DFFA: variants seen among roughly 807,000 people sequenced by gnomAD.
DFFA encodes DNA fragmentation factor subunit alpha.
Under a neutral mutation model 28.0 loss-of-function variants are expected in DFFA, and 14 were observed. That is an observed-to-expected ratio of 0.50 (90% CI 0.33 to 0.78). The LOEUF is 0.78. Among genes scored for constraint, DFFA ranks in the 30% least tolerant of loss-of-function variants. DFFA has a pLI of 0.02. For synonymous variants in DFFA, 158 were observed against 170.3 expected, an observed-to-expected ratio of 0.93 and a Z score of 0.56; for missense variants, 395 against 407.1, an observed-to-expected ratio of 0.97 and a Z score of 0.26.
chr1:10,463,671 C>CTTT, intron 3 of DFFA, 51 bp from the exon 4 acceptor site: 4 of 1,270,660 alleles, frequency 3.1e-6, no homozygotes, highest in Non-Finnish European at 3.2e-6. Context: ...TTCTGACTTT[C>CTTT]TTTTTTTTTT....
chr1:10,464,178 C>T (rs1640990273), intron 3 of DFFA, among the ~76,000 whole-genome samples: 1 of 151,850 alleles, frequency 6.6e-6, no homozygotes, highest in African/African-American at 2.4e-5. Flanking sequence ...CTGCAAGCTC[C>T]GCCTCCTGGG....
intron 1 of DFFA, among the ~76,000 whole-genome samples, 177 bp from the exon 2 acceptor site, chr1:10,469,515 C>G (rs1044743278): frequency 2.4e-4 from 36 of 152,100 alleles, no homozygotes; most frequent in African/African-American, 8.4e-4. Context: ...TGATTCTGTT[C>G]TAAGTGTTCT....
intron 3 of DFFA, among the ~76,000 whole-genome samples, chr1:10,465,234 A>G (rs1641004876): frequency 6.6e-6 from 1 of 152,120 alleles, no homozygotes; most frequent in Non-Finnish European, 1.5e-5. Flanking sequence ...AGCTGGGACT[A>G]CAGGCACACG....
intron 1 of DFFA, 109 bp from the exon 2 acceptor site, chr1:10,469,447 G>A (rs1476925556): frequency 6.8e-6 from 6 of 876,044 alleles, no homozygotes; most frequent in South Asian, 3.5e-5. Context: ...CTCCTGGTAG[G>A]TAATAACTAG....
At position 10,457,438 on chromosome 1, in the gene DFFA, C is replaced by T. The variant is rs190265212; in HGVS notation, c.*4052G>A. On this transcript the variant is annotated 3_prime_UTR_variant, in exon 6 of 6. Transcript: ENST00000377038. ...CTATACTCCCAGCACTTTGGGAGGC[C>T]AAGGCAGGTGGATCACTTGAGGTCA... 5.5e-3 allele frequency: 834 copies of T among 152,286 alleles called. 7 individuals are homozygous for T. The highest frequency in any genetic ancestry group is 0.019 in the African/African-American group (792 of 41,524). The allele number at this position is 152,286 out of a possible 1,614,324, so 9.4% of individuals were successfully genotyped here.
At position 10,456,670 on chromosome 1, in the gene DFFA, T is replaced by C. The variant is rs1640866388; in HGVS notation, c.*4820A>G. 6.6e-6 allele frequency: 1 copy of C among 152,184 alleles called. No homozygotes were observed. The highest frequency in any genetic ancestry group is 6.5e-5 in the Admixed American group (1 of 15,268). 9.4% of individuals were successfully genotyped at this position (152,184 alleles called of 1,614,324 possible). On this transcript the variant is annotated 3_prime_UTR_variant, in exon 6 of 6. Transcript: ENST00000377038. ...ATGAAAAATCCATTAGTTTTTCTCT[T>C]TTGCTTTTACCCAGAAATTAAAGGT...
intron 1 of DFFA, among the ~76,000 whole-genome samples, chr1:10,469,940 C>T (rs558916417): frequency 4.0e-5 from 6 of 151,722 alleles, no homozygotes; most frequent in African/African-American, 1.5e-4. Context: ...CTTAGTCTCC[C>T]GAGTAGCTGG....
At chr1:10,462,761 A>C (rs1640965616) in intron 5 of DFFA, 1 of 1,243,516 alleles carries the variant, frequency 8.0e-7, no homozygotes, top group East Asian at 3.8e-5. Flanking sequence ...AAGACCCAGA[A>C]GCCATCTCAG....
chr1:10,462,088 G>T (rs527522931), intron 5 of DFFA, among the ~76,000 whole-genome samples: 1 of 152,178 alleles, frequency 6.6e-6, no homozygotes, highest in East Asian at 1.9e-4. Context: ...TCGATCTCCT[G>T]ACCTTGTGAT....
Position 10,463,189 on chromosome 1 carries a change from C to T in DFFA, c.652G>A (p.Glu218Lys), listed in dbSNP as rs752665264. 2 of 1,614,164 alleles carry T rather than the reference C, an allele frequency of 1.2e-6. No individual in the cohort carries two copies. The highest frequency in any genetic ancestry group is 4.5e-5 in the East Asian group (2 of 44,888). ...KQEESKAAFGEEVDAVDTGIS... is the reference protein window; with the variant it reads ...KQEESKAAFGKEVDAVDTGIS... ...CCCGTGTCTACTGCATCCACCTCCT[C>T]ACCAAAGGCAGCTTTGGACTCTGCA... Residue 218 changes from glutamate to lysine, a missense_variant, in exon 5 of 6, where the codon GAG becomes AAG. Transcript: ENST00000377038.
intron 1 of DFFA, among the ~76,000 whole-genome samples, chr1:10,469,632 T>C (rs1488247812): frequency 6.6e-6 from 1 of 152,154 alleles, no homozygotes; most frequent in Admixed American, 6.6e-5. Flanking sequence ...GTGATTTTCC[T>C]GCCTCAGCCT....
chr1:10,461,940 C>T (rs1351193424), intron 5 of DFFA: 9 of 830,536 alleles, frequency 1.1e-5, no homozygotes, highest in Non-Finnish European at 1.3e-5. Flanking sequence ...CTGCAAGCTC[C>T]GCCTCCCGGA....
chr1:10,469,903 G>A (rs1174251096), intron 1 of DFFA, among the ~76,000 whole-genome samples: 3 of 148,690 alleles, frequency 2.0e-5, no homozygotes, highest in Non-Finnish European at 3.0e-5. Context: ...AGCAACCTCC[G>A]CCTCCCGGGT....
In DFFA at chr1:10,458,740, T is replaced by C. The variant is rs1190502851; in HGVS notation, c.*2750A>G. On this transcript the variant is annotated 3_prime_UTR_variant, in exon 6 of 6. Transcript: ENST00000377038. ...TTTTAGTAGACTGGGTTTTGTCACG[T>C]TGGCCAGGCTGGTCTCAAACTCCTG... 1 of 152,128 alleles carries C rather than the reference T, an allele frequency of 6.6e-6. No homozygotes were observed. The highest frequency in any genetic ancestry group is 1.5e-5 in the Non-Finnish European group (1 of 68,048). The allele number at this position is 152,128 out of a possible 1,614,324, so 9.4% of individuals were successfully genotyped here.
In DFFA at chr1:10,459,706, A is replaced by G. The variant is rs1640900719; in HGVS notation, c.*1784T>C. 2.0e-5 allele frequency: 3 copies of G among 150,040 alleles called. No homozygotes were observed. The highest frequency in any genetic ancestry group is 4.9e-5 in the African/African-American group (2 of 40,648). The allele number at this position is 150,040 out of a possible 1,614,324, so 9.3% of individuals were successfully genotyped here. On this transcript the variant is annotated 3_prime_UTR_variant, in exon 6 of 6. Coordinates refer to ENST00000377038, the MANE Select transcript of DFFA (RefSeq NM_004401.3). ...ATTGGAAATACGACCATTTCTTTTC[A>G]TTGCCCTTGATGGTTACCTTTTTAA... is the stretch of plus-strand genomic sequence containing the variant.
chr1:10,464,252 T>C (rs1395129646), intron 3 of DFFA, among the ~76,000 whole-genome samples: 2 of 151,812 alleles, frequency 1.3e-5, no homozygotes, highest in Admixed American at 6.6e-5. Context: ...GCCACCACGC[T>C]TGGCTAATTT....
intron 5 of DFFA, chr1:10,462,413 G>A (rs1183974277): frequency 6.1e-6 from 6 of 987,340 alleles, no homozygotes; most frequent in East Asian, 2.3e-4. Context: ...ATTAACAGGC[G>A]TAAGCCACTG....
Position 10,461,096 on chromosome 1 carries a change from G to C in DFFA, c.*394C>G, listed in dbSNP as rs967067202. 24 of 153,658 alleles carry C rather than the reference G, an allele frequency of 1.6e-4. No individual in the cohort carries two copies. The highest frequency in any genetic ancestry group is 2.8e-4 in the Non-Finnish European group (20 of 70,386). The allele number at this position is 153,658 out of a possible 1,614,324, so 9.5% of individuals were successfully genotyped here. ...GCTAATTTTTTTTGTATTTTTAGTA[G>C]AGACAGGGTTTCACCATGTTAGCCA... On this transcript the variant is annotated 3_prime_UTR_variant, in exon 6 of 6. Transcript: ENST00000377038.
chr1:10,467,138 CG>C (rs1305738852), intron 3 of DFFA, 51 bp downstream of exon 3: 41 of 1,604,858 alleles, frequency 2.6e-5, no homozygotes, highest in Non-Finnish European at 3.4e-5. Flanking sequence ...GGTGCTGGGG[CG>C]GGGGGCAGAG....
Sources: gnomAD v4.1 joint callset for allele counts (sites outside exome capture counted in the v4.1 genomes callset) on GRCh38, gnomAD v4.1.1 for gene constraint, MANE v1.5 for transcripts, NCBI Gene and HGNC (gene_info 2026-07-23, HGNC 2026-07-21) for gene names.